Variants in SERPINI1 observed in about 807,000 individuals in gnomAD.
SERPINI1 encodes the protein neuroserpin.
A neutral mutation model predicts 41.1 loss-of-function variants in SERPINI1; 19 were observed. The ratio of observed to expected loss-of-function variants is 0.46; its 90% CI spans 0.32 to 0.68. The LOEUF (loss-of-function observed/expected upper bound fraction) is 0.68, where lower values mean the gene tolerates loss of function less well. Among genes scored for constraint, SERPINI1 ranks in the 30% least tolerant of loss-of-function variants. SERPINI1 has a pLI of 0.03. For missense variants in SERPINI1, 460 were observed against 479.2 expected (o/e 0.96, Z 0.37); for synonymous variants, 138 against 156.6 (o/e 0.88, Z 0.89).
At chr3:167,772,731 T>C (rs1726800624) in intron 1 of SERPINI1, among the ~76,000 whole-genome samples, 1 of 149,822 alleles carries the variant, frequency 6.7e-6, no homozygotes, top group Admixed American at 6.7e-5. Flanking sequence ...TCAAGTGCAG[T>C]GGAGTGTACC....
chr3:167,738,706 T>A (rs1725567663), intron 1 of SERPINI1, among the ~76,000 whole-genome samples: 1 of 151,756 alleles, frequency 6.6e-6, no homozygotes, highest in Middle Eastern at 3.4e-3. Context: ...CCAGTTAAAA[T>A]GGCAATTTTT....
chr3:167,825,315 G>T lies in SERPINI1; in HGVS notation c.1225G>T (p.Glu409Ter). Residue 409 changes from glutamate to a stop codon, truncating the protein, a stop_gained, in exon 9 of 9, where the codon GAA (glutamate) becomes TAA (stop). Transcript: ENST00000446050. LOFTEE classifies it high-confidence loss of function. ...TMNTSGHDFE[E>*]L ...GAACACAAGTGGACATGATTTCGAAGAACTTTAAGTTACTTTATTTGAATA... is the reference window on the plus strand; with the variant it reads ...GAACACAAGTGGACATGATTTCGAATAACTTTAAGTTACTTTATTTGAATA... 6.2e-7 allele frequency: 1 copy of T among 1,608,162 alleles called. No homozygotes were observed. The highest frequency in any genetic ancestry group is 8.5e-7 in the Non-Finnish European group (1 of 1,174,730).
chr3:167,782,275 C>T (rs1325613524), intron 1 of SERPINI1, among the ~76,000 whole-genome samples: 1 of 152,138 alleles, frequency 6.6e-6, no homozygotes, highest in Non-Finnish European at 1.5e-5. Context: ...GTACCACCTT[C>T]TGCGATTGTT....
At chr3:167,821,492 G>C (rs1354044348) in intron 6 of SERPINI1, among the ~76,000 whole-genome samples, 3 of 152,188 alleles carry the variant, frequency 2.0e-5, no homozygotes, top group Non-Finnish European at 4.4e-5. Flanking sequence ...GCCTGGAGCT[G>C]CCTGCCCCAC....
intron 2 of SERPINI1, 41 bp from the exon 3 acceptor site, chr3:167,790,331 T>C (rs1727459608): frequency 7.8e-6 from 11 of 1,416,654 alleles, no homozygotes; most frequent in Non-Finnish European, 1.1e-5. Flanking sequence ...CATTTCACCG[T>C]GTTTGTTCTA....
intron 3 of SERPINI1, 75 bp downstream of exon 3, chr3:167,790,677 T>A (rs753427271): frequency 2.1e-4 from 231 of 1,097,704 alleles, no homozygotes; most frequent in Non-Finnish European, 3.0e-4. Context: ...TATTTCCTCC[T>A]TGTTCCTTTT....
At chr3:167,738,132 G>A (rs553344122) in intron 1 of SERPINI1, among the ~76,000 whole-genome samples, 1 of 152,074 alleles carries the variant, frequency 6.6e-6, no homozygotes, top group South Asian at 2.1e-4. Context: ...TTATAATTCT[G>A]TGTAAAATGC....
chr3:167,759,401 T>TATATATATATATATATATAC, intron 1 of SERPINI1, among the ~76,000 whole-genome samples: 1 of 84,836 alleles, frequency 1.2e-5, no homozygotes, highest in Non-Finnish European at 2.1e-5. Flanking sequence ...GAAAATGTGG[T>TATATATATATATATATATAC]ATATATATAT....
At chr3:167,745,057 TGAA>T (rs1203187636) in intron 1 of SERPINI1, among the ~76,000 whole-genome samples, 1 of 150,980 alleles carries the variant, frequency 6.6e-6, no homozygotes, top group East Asian at 1.9e-4. Context: ...GAGAACACTA[TGAA>T]CAATTGTATG....
chr3:167,824,385 A>G, intron 7 of SERPINI1, 88 bp from the exon 8 acceptor site: 1 of 929,980 alleles, frequency 1.1e-6, no homozygotes, highest in East Asian at 2.4e-5. Context: ...TCTTTGCATT[A>G]GGTGGATAGG....
At chr3:167,776,815 T>G (rs1462152193) in intron 1 of SERPINI1, among the ~76,000 whole-genome samples, 1 of 152,210 alleles carries the variant, frequency 6.6e-6, no homozygotes, top group Non-Finnish European at 1.5e-5. Context: ...TGCACACATA[T>G]GTAGTATTTC....
At chr3:167,740,650 C>A (rs962559658) in intron 1 of SERPINI1, among the ~76,000 whole-genome samples, 6 of 152,302 alleles carry the variant, frequency 3.9e-5, no homozygotes, top group Admixed American at 3.9e-4. Flanking sequence ...ATAAATATTG[C>A]TATCTTGTTG....
At chr3:167,751,929 T>C (rs1263674114) in intron 1 of SERPINI1, among the ~76,000 whole-genome samples, 3 of 152,202 alleles carry the variant, frequency 2.0e-5, no homozygotes, top group African/African-American at 7.2e-5. Context: ...CATTTGACTA[T>C]TTTTGACCTA....
rs149238028 is a variant in SERPINI1 at position 167,825,311 on chromosome 3, C to T, written c.1221C>T (p.Phe407=). Reference sequence around the variant, plus strand: ...CAATGAACACAAGTGGACATGATTTCGAAGAACTTTAAGTTACTTTATTTG... The same window carrying T: ...CAATGAACACAAGTGGACATGATTTTGAAGAACTTTAAGTTACTTTATTTG... ...PETMNTSGHD[F]EEL is the part of the protein sequence containing the mutation. The change falls in exon 9 of 9, where the codon TTC becomes TTT. Residue 407 remains phenylalanine (F), a synonymous_variant. Transcript: ENST00000446050. The T allele has an allele frequency of 6.8e-6, 11 of 1,610,018 alleles. No homozygotes were observed. The East Asian group carries it at 8.9e-5, about 13-fold the overall frequency.
intron 1 of SERPINI1, among the ~76,000 whole-genome samples, chr3:167,744,764 AAT>A (rs1432968766): frequency 5.9e-5 from 6 of 102,512 alleles, no homozygotes; most frequent in Admixed American, 1.1e-4. Flanking sequence ...TTATATATTA[AAT>A]ATATATTATA....
At chr3:167,815,220 C>T (rs973186728) in intron 6 of SERPINI1, among the ~76,000 whole-genome samples, 4 of 152,104 alleles carry the variant, frequency 2.6e-5, no homozygotes, top group Non-Finnish European at 5.9e-5. Flanking sequence ...CTCTGCATGA[C>T]CTGATCTACT....
intron 1 of SERPINI1, among the ~76,000 whole-genome samples, chr3:167,760,297 C>T (rs2108539656): frequency 6.6e-6 from 1 of 151,802 alleles, no homozygotes; most frequent in East Asian, 1.9e-4. Flanking sequence ...ACCATAGTTG[C>T]AATGGTTCTG....
intron 1 of SERPINI1, among the ~76,000 whole-genome samples, chr3:167,757,132 CTT>C (rs1213554756): frequency 6.6e-6 from 1 of 152,146 alleles, no homozygotes; most frequent in Non-Finnish European, 1.5e-5. Flanking sequence ...TATCAAATGA[CTT>C]TAGTGCTGGA....
In SERPINI1 at chr3:167,790,524, G is replaced by A; in HGVS notation, c.403G>A (p.Ala135Thr). 2.5e-6 allele frequency: 4 copies of A among 1,613,952 alleles called. No individual in the cohort carries two copies. The highest frequency in any genetic ancestry group is 3.4e-6 in the Non-Finnish European group (4 of 1,179,914). ...LQMMKKYFNA[A>T]VNHVDFSQNV... ...AATGATGAAAAAATATTTTAATGCA[G>A]CAGTAAATCATGTGGACTTCAGTCA... The change falls in exon 3 of 9, where the codon GCA (alanine) becomes ACA (threonine). Residue 135 changes from alanine to threonine, a missense_variant. Coordinates refer to ENST00000446050, the MANE Select transcript of SERPINI1 (RefSeq NM_001122752.2).
Sources: gnomAD v4.1 joint callset for allele counts (sites outside exome capture counted in the v4.1 genomes callset) on GRCh38, gnomAD v4.1.1 for gene constraint, MANE v1.5 for transcripts, NCBI Gene and HGNC (gene_info 2026-07-23, HGNC 2026-07-21) for gene names.